NSMAF: variants seen among roughly 807,000 people sequenced by gnomAD.
The protein encoded by NSMAF is neutral sphingomyelinase activation associated factor, also known as protein FAN.
A neutral mutation model predicts 134.9 loss-of-function variants in NSMAF; 90 were observed. That is an observed-to-expected ratio of 0.67 (90% CI 0.56 to 0.79). NSMAF has a LOEUF of 0.79. Among genes scored for constraint, NSMAF ranks in the 30% least tolerant of loss-of-function variants. NSMAF has a pLI of 0.00. For missense variants in NSMAF, 1,010 were observed against 1,119.0 expected (o/e 0.90, Z 1.39); for synonymous variants, 358 against 389.6 (o/e 0.92, Z 0.96).
chr8:58,607,611 C>T (rs971634093), intron 11 of NSMAF, among the ~76,000 whole-genome samples, 158 bp downstream of exon 11: 2 of 152,220 alleles, frequency 1.3e-5, no homozygotes, highest in African/African-American at 4.8e-5. Context: ...TGAATTTCTA[C>T]CTTCTCCAAA....
Position 58,599,742 on chromosome 8 carries a change from G to A in NSMAF, c.1453+8C>T, listed in dbSNP as rs990703261. The A allele has an allele frequency of 6.2e-7, 1 of 1,613,028 alleles. No homozygotes were observed. The highest frequency in any genetic ancestry group is 1.7e-5 in the Admixed American group (1 of 59,864). On this transcript the variant is annotated splice_region_variant and intron_variant, in intron 18 of 30. Transcript: ENST00000038176. ...TCTATAATACAACACCTCCAAGGGGGGACTCACTGGAAGCCCAAGGGGGAA... is the reference window on the plus strand; with the variant it reads ...TCTATAATACAACACCTCCAAGGGGAGACTCACTGGAAGCCCAAGGGGGAA...
intron 2 of NSMAF, among the ~76,000 whole-genome samples, chr8:58,639,156 G>A (rs1054020182): frequency 7.2e-5 from 11 of 152,032 alleles, no homozygotes; most frequent in African/African-American, 1.9e-4. Context: ...ATGGTGGCAC[G>A]TGCTGTACGC....
intron 26 of NSMAF, among the ~76,000 whole-genome samples, chr8:58,589,054 T>G (rs1805961022): frequency 6.6e-6 from 1 of 150,938 alleles, no homozygotes; most frequent in East Asian, 1.9e-4. Flanking sequence ...TAAGGAAGTG[T>G]TTTTTTTAAA....
intron 10 of NSMAF, among the ~76,000 whole-genome samples, chr8:58,608,124 G>A (rs1422447547): frequency 1.3e-5 from 2 of 152,164 alleles, no homozygotes; most frequent in Non-Finnish European, 2.9e-5. Context: ...GTTTGGGGTG[G>A]GGTGATATCT....
In NSMAF at chr8:58,643,061, C is replaced by T; in HGVS notation, c.72G>A (p.Leu24=). 1.2e-6 allele frequency: 2 copies of T among 1,613,928 alleles called. No individual in the cohort carries two copies. Among genetic ancestry groups the T allele is most frequent in the Non-Finnish European group, 1.7e-6 (2 of 1,179,890 alleles). Residue 24 remains leucine, a synonymous_variant, in exon 2 of 31, where the codon CTG becomes CTA. Transcript: ENST00000038176. ...QLYSKERFSL[L]LLNLEEYYFE... ...AGTAGTACTCCTCCAAGTTAAGCAGCAGCAAGGAAAATCTGGATTTGGGGC... is the reference window on the plus strand; with the variant it reads ...AGTAGTACTCCTCCAAGTTAAGCAGTAGCAAGGAAAATCTGGATTTGGGGC...
chr8:58,623,395 C>G lies in NSMAF; in HGVS notation c.486G>C (p.Leu162Phe). The G allele has an allele frequency of 1.2e-6, 2 of 1,614,000 alleles. No individual in the cohort carries two copies. Among genetic ancestry groups the G allele is most frequent in the Non-Finnish European group, 1.7e-6 (2 of 1,179,912 alleles). ...QLHRASCLDKLGDQTAMITAI... is the reference protein window; with the variant it reads ...QLHRASCLDKFGDQTAMITAI... ...TACTTACCATGGCGGTTTGGTCACC[C>G]AATTTGTCAAGGCAGGATGCTCTGT... The change falls in exon 8 of 31, where the codon TTG (leucine) becomes TTC (phenylalanine). Residue 162 changes from leucine to phenylalanine, a missense_variant. Transcript: ENST00000038176.
chr8:58,635,337 A>G lies in NSMAF; in HGVS notation c.264T>C (p.His88=), dbSNP rs759692663. Residue 88 remains histidine (H), a synonymous_variant, in exon 4 of 31, where the codon CAT becomes CAC. Transcript: ENST00000038176. ...PLRDCIKIGK[H]GENGANRHFT... is the part of the protein sequence containing the mutation. ...AGTGTCTATTGGCTCCATTTTCTCCATGCTTTCCTATTTTTATACAGTCTC... is the reference window on the plus strand; with the variant it reads ...AGTGTCTATTGGCTCCATTTTCTCCGTGCTTTCCTATTTTTATACAGTCTC... 9.3e-6 allele frequency: 15 copies of G among 1,608,972 alleles called. No homozygotes were observed. In the South Asian group the frequency reaches 1.2e-4, roughly 13 times the overall value.
intron 9 of NSMAF, among the ~76,000 whole-genome samples, chr8:58,611,311 G>A (rs761930363): frequency 2.6e-5 from 4 of 152,114 alleles, no homozygotes; most frequent in Non-Finnish European, 4.4e-5. Context: ...AGAGGCCAAA[G>A]CAAGAGGATC....
chr8:58,620,288 A>T (rs745456417), intron 9 of NSMAF, among the ~76,000 whole-genome samples: 8 of 152,214 alleles, frequency 5.3e-5, no homozygotes, highest in Non-Finnish European at 1.2e-4. Context: ...GCAGAGAAGG[A>T]GGATGAGTTT....
chr8:58,652,049 T>C (rs895535540), intron 1 of NSMAF, among the ~76,000 whole-genome samples: 1 of 152,138 alleles, frequency 6.6e-6, no homozygotes, highest in Non-Finnish European at 1.5e-5. Flanking sequence ...TATGGTACAG[T>C]GGAAAAGAGG....
chr8:58,589,013 C>G (rs1175226916), intron 26 of NSMAF, among the ~76,000 whole-genome samples: 1 of 151,236 alleles, frequency 6.6e-6, no homozygotes, highest in Non-Finnish European at 1.5e-5. Context: ...GGTAACAGAG[C>G]AAGACACTGT....
chr8:58,624,483 T>A (rs1200226710), intron 6 of NSMAF, among the ~76,000 whole-genome samples: 1 of 152,308 alleles, frequency 6.6e-6, no homozygotes, highest in East Asian at 1.9e-4. Flanking sequence ...CTCAAGATTT[T>A]AAATTTTCTC....
intron 1 of NSMAF, among the ~76,000 whole-genome samples, chr8:58,652,822 G>C (rs529626650): frequency 6.6e-6 from 1 of 152,148 alleles, no homozygotes; most frequent in Non-Finnish European, 1.5e-5. Flanking sequence ...GGAAAATAAG[G>C]ATATGTTCAG....
chr8:58,627,093 T>C (rs559188553), intron 6 of NSMAF, among the ~76,000 whole-genome samples: 5 of 152,240 alleles, frequency 3.3e-5, no homozygotes, highest in South Asian at 2.1e-4. Context: ...AGGTTCCTCG[T>C]AGATTCTGGA....
At chr8:58,599,722 A>G (rs1249126417) in intron 18 of NSMAF, 28 bp downstream of exon 18, 2 of 1,604,786 alleles carry the variant, frequency 1.2e-6, no homozygotes, top group Middle Eastern at 1.7e-4. Flanking sequence ...GCATGTCTAT[A>G]ATACAACACC....
rs556435985 is a variant in NSMAF, at chr8:58,589,861, C to A, written c.2087+146G>T. On this transcript the variant is annotated intron_variant, in intron 25 of 30. Coordinates refer to ENST00000038176, the MANE Select transcript of NSMAF (RefSeq NM_003580.4). Reference sequence around the variant, plus strand: ...CTAAGCAATCATATTCAAATCCAACCATACTGTCCTCATCTCTAATATCTG... The same window carrying A: ...CTAAGCAATCATATTCAAATCCAACAATACTGTCCTCATCTCTAATATCTG... 1.5e-4 allele frequency: 100 copies of A among 654,472 alleles called. No individual in the cohort carries two copies. In the African/African-American group the frequency reaches 1.6e-3, roughly 11 times the overall value. The allele number at this position is 654,472 out of a possible 1,614,324, so 40.5% of individuals were successfully genotyped here. A position where few individuals can be genotyped will look rare whatever the true frequency, so the allele number is the denominator to read the frequency against.
At chr8:58,659,077 TG>T in intron 1 of NSMAF, 1 of 733,312 alleles carries the variant, frequency 1.4e-6, no homozygotes, top group Non-Finnish European at 2.0e-6. Context: ...TGCGAGTGGG[TG>T]GTCGCCGGCC....
chr8:58,643,795 T>A (rs1323622686), intron 1 of NSMAF, among the ~76,000 whole-genome samples: 1 of 152,156 alleles, frequency 6.6e-6, no homozygotes, highest in East Asian at 1.9e-4. Flanking sequence ...CCTCCCAAAG[T>A]GCTGGGATTA....
chr8:58,609,387 C>T (rs149989927), intron 10 of NSMAF, among the ~76,000 whole-genome samples: 3,788 of 152,332 alleles, frequency 0.025, 74 homozygotes, highest in Non-Finnish European at 0.039. Flanking sequence ...GTGCCCCTGA[C>T]ATGACTGAAA....
Sources: allele counts gnomAD v4.1 joint callset (sites outside exome capture counted in the v4.1 genomes callset), GRCh38; gene constraint gnomAD v4.1.1; transcripts MANE v1.5; gene names NCBI Gene and HGNC (gene_info 2026-07-23, HGNC 2026-07-21).